REXO5: variants seen among roughly 807,000 people sequenced by gnomAD.
The protein encoded by REXO5 is RNA exonuclease 5.
A neutral mutation model predicts 88.5 loss-of-function variants in REXO5; 48 were observed. That is an observed-to-expected ratio of 0.54 (90% CI 0.43 to 0.69). The LOEUF (loss-of-function observed/expected upper bound fraction) is 0.69. Ranked by LOEUF, REXO5 falls within the 30% of genes least tolerant of loss-of-function variation. The pLI, the probability that REXO5 is intolerant of heterozygous loss-of-function variation, is 0.00. For missense variants in REXO5, 749 were observed against 912.2 expected (o/e 0.82, Z 2.30); for synonymous variants, 311 against 336.5 (o/e 0.92, Z 0.83).
chr16:20,818,819 T>G (rs963178529), intron 5 of REXO5, among the ~76,000 whole-genome samples: 6 of 152,164 alleles, frequency 3.9e-5, no homozygotes, highest in African/African-American at 1.4e-4. Context: ...GTGCAGGATG[T>G]GTAGGTTTGT....
intron 2 of REXO5, 28 bp from the exon 3 acceptor site, chr16:20,813,162 C>A: frequency 2.1e-6 from 3 of 1,441,798 alleles, no homozygotes; most frequent in Non-Finnish European, 2.9e-6. Flanking sequence ...CCAATAATGG[C>A]TTGCTACGCC....
intron 11 of REXO5, among the ~76,000 whole-genome samples, chr16:20,830,125 A>T (rs145080208): frequency 6.6e-6 from 1 of 152,340 alleles, no homozygotes; most frequent in Non-Finnish European, 1.5e-5. Context: ...TTACCCACAC[A>T]ATGGTGTGTT....
chr16:20,846,368 G>A (rs1247136588), intron 19 of REXO5, 29 bp downstream of exon 19: 7 of 1,536,220 alleles, frequency 4.6e-6, no homozygotes, highest in Non-Finnish European at 6.3e-6. Flanking sequence ...ATCCCTTCAG[G>A]ACTCTGTCCC....
rs762753177 is a variant in REXO5 at position 20,846,314 on chromosome 16, C to T, written c.2218C>T (p.Leu740Phe). 6.1e-5 allele frequency: 98 copies of T among 1,613,826 alleles called. No homozygotes were observed. The highest frequency in any genetic ancestry group is 8.2e-5 in the Non-Finnish European group (97 of 1,179,858). Residue 740 changes from leucine (L) to phenylalanine (F), a missense_variant, in exon 19 of 20, where the codon CTC becomes TTC. Leu to Phe is a conservative substitution (Grantham distance 22). Transcript: ENST00000261377. ...CAGCTTGTGCCCGGGCACTCTCTGC[C>T]TCATCCTGCTGCCAGGAACCAAGAG... The part of the protein sequence containing the change: ...YNSLCPGTLC[L>F]ILLPGTKSTH...
chr16:20,807,140 C>CTCCCT (rs1294386099), intron 2 of REXO5, 49 bp downstream of exon 2: 1 of 1,556,206 alleles, frequency 6.4e-7, no homozygotes, highest in Non-Finnish European at 8.7e-7. Context: ...TTTGGAGCTC[C>CTCCCT]CGGACCCTCG....
intron 10 of REXO5, among the ~76,000 whole-genome samples, chr16:20,828,192 T>C (rs2081286346): frequency 6.6e-6 from 1 of 152,172 alleles, no homozygotes; most frequent in African/African-American, 2.4e-5. Context: ...AAACTTTTTG[T>C]TGGGTAGCCT....
chr16:20,839,374 T>A (rs2081489961), intron 13 of REXO5, among the ~76,000 whole-genome samples: 1 of 151,828 alleles, frequency 6.6e-6, no homozygotes, highest in South Asian at 2.1e-4. Context: ...CCCCTTGATT[T>A]TTTTTTTTTT....
At chr16:20,817,733 G>A (rs1040729803) in intron 5 of REXO5, among the ~76,000 whole-genome samples, 4 of 152,068 alleles carry the variant, frequency 2.6e-5, no homozygotes, top group South Asian at 2.1e-4. Context: ...ATAGTCCCTC[G>A]CACTCTGATC....
At chr16:20,825,691 T>G in intron 7 of REXO5, 142 bp from the exon 8 acceptor site, 1 of 615,606 alleles carries the variant, frequency 1.6e-6, no homozygotes, top group Non-Finnish European at 2.9e-6. Flanking sequence ...TCACTCACAC[T>G]AGATCCTCTA....
chr16:20,825,007 CAA>C (rs11357501), intron 7 of REXO5, among the ~76,000 whole-genome samples: 1 of 142,302 alleles, frequency 7.0e-6, no homozygotes, highest in East Asian at 2.0e-4. Context: ...GACTCGATCT[CAA>C]AAAAAAAAAA....
chr16:20,828,445 C>T lies in REXO5; in HGVS notation c.1066C>T (p.Gln356Ter). Residue 356 changes from glutamine (Q) to a stop codon, truncating the protein, a stop_gained, in exon 11 of 20, where the codon CAG becomes TAG. Transcript: ENST00000261377. LOFTEE classifies it high-confidence loss of function. ...ATATTGACTTTCCAGGAAGGATATA[C>T]AGTGTCCAGACAGACTTGGTCATGA... The part of the protein sequence containing the change: ...LAKVILGKDI[Q>*]CPDRLGHDAT... The T allele has an allele frequency of 3.1e-6, 5 of 1,610,388 alleles. No individual in the cohort carries two copies. Among genetic ancestry groups the T allele is most frequent in the Non-Finnish European group, 4.2e-6 (5 of 1,176,720 alleles).
At chr16:20,837,920 C>T (rs1011206316) in intron 13 of REXO5, among the ~76,000 whole-genome samples, 2 of 152,086 alleles carry the variant, frequency 1.3e-5, no homozygotes, top group African/African-American at 2.4e-5. Context: ...CATGTGCCAC[C>T]ATGCCTGGCT....
At chr16:20,814,031 G>A (rs766041466) in intron 3 of REXO5, among the ~76,000 whole-genome samples, 1 of 151,734 alleles carries the variant, frequency 6.6e-6, no homozygotes, top group African/African-American at 2.4e-5. Context: ...TAGCTACTTC[G>A]AGAACTGTCT....
intron 5 of REXO5, among the ~76,000 whole-genome samples, chr16:20,817,468 A>G (rs1416356469): frequency 6.6e-6 from 1 of 152,200 alleles, no homozygotes; most frequent in African/African-American, 2.4e-5. Context: ...GAAGAATAGG[A>G]GGAGGTGGTG....
At chr16:20,814,397 C>T (rs375899485) in intron 3 of REXO5, among the ~76,000 whole-genome samples, 1 of 152,068 alleles carries the variant, frequency 6.6e-6, no homozygotes, top group African/African-American at 2.4e-5. Flanking sequence ...CAACCAGGCC[C>T]AGCTAATTTT....
chr16:20,837,295 A>G (rs1047015883), intron 13 of REXO5, among the ~76,000 whole-genome samples: 5 of 152,160 alleles, frequency 3.3e-5, no homozygotes, highest in Non-Finnish European at 7.3e-5. Context: ...TTACTAAGCT[A>G]TGTCTCAGAG....
chr16:20,847,047 G>A (rs1336397690), intron 19 of REXO5, among the ~76,000 whole-genome samples: 1 of 152,116 alleles, frequency 6.6e-6, no homozygotes, highest in Non-Finnish European at 1.5e-5. Flanking sequence ...GGGAAGGGAG[G>A]GAAAGATGGT....
chr16:20,841,826 G>A (rs2081532442), intron 15 of REXO5, among the ~76,000 whole-genome samples: 1 of 152,010 alleles, frequency 6.6e-6, no homozygotes, highest in Non-Finnish European at 1.5e-5. Flanking sequence ...GGCTGGTCGC[G>A]AACTCCTGAC....
intron 8 of REXO5, 118 bp downstream of exon 8, chr16:20,826,066 G>T: frequency 1.5e-6 from 1 of 654,008 alleles, no homozygotes; most frequent in Non-Finnish European, 2.7e-6. Flanking sequence ...TATTATCAAA[G>T]GTTAGGGCAT....
Sources: allele counts gnomAD v4.1 joint callset (sites outside exome capture counted in the v4.1 genomes callset), GRCh38; gene constraint gnomAD v4.1.1; transcripts MANE v1.5; gene names NCBI Gene and HGNC (gene_info 2026-07-23, HGNC 2026-07-21).